Variants in PPA2 observed in about 807,000 individuals in gnomAD.
PPA2 encodes inorganic pyrophosphatase 2, mitochondrial.
A neutral mutation model predicts 49.5 loss-of-function variants in PPA2; 48 were observed. That is an observed-to-expected ratio of 0.97 (90% CI 0.77 to 1.23). The LOEUF (loss-of-function observed/expected upper bound fraction) is 1.23. PPA2 is among the 50% of genes most tolerant of loss of function. PPA2 has a pLI of 0.00. For synonymous variants in PPA2, 131 were observed against 139.9 expected, an observed-to-expected ratio of 0.94 and a Z score of 0.45; for missense variants, 429 against 410.1, an observed-to-expected ratio of 1.05 and a Z score of -0.40.
chr4:105,458,249 G>T (rs182881423), intron 1 of PPA2, among the ~76,000 whole-genome samples: 2 of 152,274 alleles, frequency 1.3e-5, no homozygotes, highest in African/African-American at 4.8e-5. Context: ...TGCTGAACTA[G>T]ATCCTGGAAC....
chr4:105,396,199 T>C, intron 9 of PPA2, 50 bp downstream of exon 9: 1 of 1,182,990 alleles, frequency 8.5e-7, no homozygotes, highest in Non-Finnish European at 1.2e-6. Flanking sequence ...ATGTGGCTGT[T>C]TAATACCAAT....
chr4:105,431,660 C>T (rs1398782291), intron 6 of PPA2, among the ~76,000 whole-genome samples: 1 of 152,018 alleles, frequency 6.6e-6, no homozygotes, highest in Non-Finnish European at 1.5e-5. Flanking sequence ...TCATAATAGC[C>T]AAGTGGTAGA....
chr4:105,449,208 C>A (rs1722553674), intron 4 of PPA2, 142 bp downstream of exon 4: 2 of 347,202 alleles, frequency 5.8e-6, no homozygotes, highest in East Asian at 1.5e-4. Flanking sequence ...CAGAGCGAGA[C>A]TCCGTCTCAA....
In PPA2 at chr4:105,415,363, G is replaced by T. The variant is rs547355472; in HGVS notation, c.655+8833C>A. Among the ~76,000 whole-genome samples, 14 of 152,332 alleles carry T rather than the reference G, an allele frequency of 9.2e-5. No homozygotes were observed. In the South Asian group the frequency reaches 2.9e-3, roughly 32 times the overall value. On this transcript the variant is annotated intron_variant, in intron 7 of 11. Transcript: ENST00000341695. The stretch of plus-strand genomic sequence containing the variant: ...AGCACCTCTTTGGCCTCCCTCCCAT[G>T]CTCGTCAGCGCCAAAAGTCCAGAGG...
intron 9 of PPA2, among the ~76,000 whole-genome samples, chr4:105,391,808 T>G (rs1406297385): frequency 3.9e-5 from 6 of 152,210 alleles, no homozygotes; most frequent in Admixed American, 3.9e-4. Flanking sequence ...ATGAGTTATA[T>G]TCATACTTTT....
chr4:105,371,271 T>G (rs950558906), intron 10 of PPA2, among the ~76,000 whole-genome samples: 1 of 152,186 alleles, frequency 6.6e-6, no homozygotes, highest in East Asian at 1.9e-4. Flanking sequence ...GCTAAAAAAT[T>G]TATCTGTCTT....
chr4:105,470,894 T>C (rs1222337701), intron 1 of PPA2, among the ~76,000 whole-genome samples: 1 of 152,224 alleles, frequency 6.6e-6, no homozygotes, highest in African/African-American at 2.4e-5. Flanking sequence ...CTTAAGTGGT[T>C]TGACTATTAG....
At chr4:105,437,487 A>G (rs1236625632) in intron 6 of PPA2, among the ~76,000 whole-genome samples, 1 of 152,230 alleles carries the variant, frequency 6.6e-6, no homozygotes, top group Non-Finnish European at 1.5e-5. Context: ...GCACACAAAA[A>G]ATGAAAAAGT....
At chr4:105,435,408 T>C (rs1453561960) in intron 6 of PPA2, among the ~76,000 whole-genome samples, 2 of 152,136 alleles carry the variant, frequency 1.3e-5, no homozygotes, top group Non-Finnish European at 2.9e-5. Flanking sequence ...ACTTGAGAGA[T>C]GCTATGCAAG....
intron 4 of PPA2, chr4:105,448,128 T>C (rs12108622): frequency 0.058 from 22,696 of 391,976 alleles, 1,686 homozygotes; most frequent in African/African-American, 0.25. Flanking sequence ...TAAGCCATGT[T>C]GAATGAAGAA....
chr4:105,408,349 T>A (rs1560616687), intron 7 of PPA2, among the ~76,000 whole-genome samples: 1 of 151,980 alleles, frequency 6.6e-6, no homozygotes, highest in East Asian at 1.9e-4. Context: ...AAAAAAGCAT[T>A]TACTAAGTTA....
chr4:105,444,629 T>C (rs1393217306), intron 5 of PPA2, among the ~76,000 whole-genome samples: 1 of 152,222 alleles, frequency 6.6e-6, no homozygotes, highest in Non-Finnish European at 1.5e-5. Flanking sequence ...AATGGAAAAC[T>C]ACAGAAGCTT....
chr4:105,437,012 T>A (rs371990480), intron 6 of PPA2, among the ~76,000 whole-genome samples: 19 of 152,024 alleles, frequency 1.2e-4, no homozygotes, highest in African/African-American at 4.3e-4. Flanking sequence ...GCAAAAGAAA[T>A]AATCAACAAA....
chr4:105,449,865 T>C (rs1307798508), intron 3 of PPA2, among the ~76,000 whole-genome samples: 3 of 152,174 alleles, frequency 2.0e-5, no homozygotes, highest in African/African-American at 7.2e-5. Context: ...TGAAGTAAAA[T>C]ATATTTTAAA....
At position 105,473,635 on chromosome 4, in the gene PPA2, C is replaced by T. The variant is rs113639727; in HGVS notation, c.157+259G>A. ...GGAGGGCGGCTGGCAGGGCACAGGG[C>T]GCTATCTACCCCCCAGCCGGCAGCC... is the stretch of plus-strand genomic sequence containing the variant. On this transcript the variant is annotated intron_variant, in intron 1 of 11. Coordinates refer to ENST00000341695, the MANE Select transcript of PPA2 (RefSeq NM_176869.3). The T allele has an allele frequency of 0.051, 36,669 of 715,102 alleles. 1,107 individuals carry two copies. Among genetic ancestry groups the T allele is most frequent in the Admixed American group, 0.086 (4,873 of 56,526 alleles). The allele number at this position is 715,102 out of a possible 1,614,324, so 44.3% of individuals were successfully genotyped here. A position where few individuals can be genotyped will look rare whatever the true frequency, so the allele number is the denominator to read the frequency against.
chr4:105,412,472 CA>C (rs1467887119), intron 7 of PPA2, among the ~76,000 whole-genome samples: 1 of 152,042 alleles, frequency 6.6e-6, no homozygotes, highest in African/African-American at 2.4e-5. Flanking sequence ...CAATAGAAGC[CA>C]AAATTGACAA....
intron 4 of PPA2, 73 bp from the exon 5 acceptor site, chr4:105,446,575 T>A (rs1722395491): frequency 6.8e-7 from 1 of 1,466,994 alleles, no homozygotes. Flanking sequence ...ATAGTACTTT[T>A]AAAAATCTGC....
At position 105,434,705 on chromosome 4, in the gene PPA2, A is replaced by T. The variant is rs151019941; in HGVS notation, c.528+3245T>A. On this transcript the variant is annotated intron_variant, in intron 6 of 11. Coordinates refer to ENST00000341695, the MANE Select transcript of PPA2 (RefSeq NM_176869.3). ...AATTTATTTTAAAATTTCAAACAAC[A>T]TAAGAACAGATAAGACATGTATAGG... Among the ~76,000 whole-genome samples the T allele has an allele frequency of 6.6e-5, 10 of 152,328 alleles. No individual in the cohort carries two copies. In the East Asian group the frequency reaches 1.9e-3, roughly 29 times the overall value.
chr4:105,373,135 G>A (rs572647071), intron 10 of PPA2, among the ~76,000 whole-genome samples: 224 of 152,160 alleles, frequency 1.5e-3, no homozygotes, highest in African/African-American at 5.2e-3. Context: ...ACCGTGCCTG[G>A]CCTAAAATTA....
Sources: gnomAD v4.1 joint callset for allele counts (sites outside exome capture counted in the v4.1 genomes callset) on GRCh38, gnomAD v4.1.1 for gene constraint, MANE v1.5 for transcripts, NCBI Gene and HGNC (gene_info 2026-07-23, HGNC 2026-07-21) for gene names.